The following KIT variants were observed in gnomAD, a reference collection of about 807,000 sequenced individuals.
The protein encoded by KIT is mast/stem cell growth factor receptor Kit.
Under a neutral mutation model 105.7 loss-of-function variants are expected in KIT, and 16 were observed. That is an observed-to-expected ratio of 0.15 (90% CI 0.10 to 0.23). The LOEUF (loss-of-function observed/expected upper bound fraction) is 0.23, where lower values mean the gene tolerates loss of function less well. Ranked by LOEUF, KIT falls within the 10% of genes least tolerant of loss-of-function variation. The pLI is 1.00. For synonymous variants in KIT, 438 were observed against 441.1 expected, an observed-to-expected ratio of 0.99 and a Z score of 0.09; for missense variants, 858 against 1,213.8, an observed-to-expected ratio of 0.71 and a Z score of 4.36.
In KIT at chr4:54,723,627, G is replaced by A. The variant is rs1560414419; in HGVS notation, c.1275G>A (p.Met425Ile). The A allele has an allele frequency of 6.2e-7, 1 of 1,614,084 alleles. No homozygotes were observed. Among genetic ancestry groups the A allele is most frequent in the Non-Finnish European group, 8.5e-7 (1 of 1,179,980 alleles). The change falls in exon 8 of 21, where the codon ATG (methionine) becomes ATA (isoleucine). Residue 425 changes from methionine to isoleucine, a missense_variant. Transcript: ENST00000288135. ...ILTYDRLVNG[M>I]LQCVAAGFPE... ...CTTACGACAGGCTCGTGAATGGCAT[G>A]CTCCAATGTGTGGCAGCAGGATTCC... is the stretch of plus-strand genomic sequence containing the variant.
chr4:54,690,091 T>C (rs80158414), intron 1 of KIT, among the ~76,000 whole-genome samples: 2 of 151,256 alleles, frequency 1.3e-5, no homozygotes, highest in Non-Finnish European at 2.9e-5. Context: ...TTCCATTGTA[T>C]GTATATACCA....
intron 7 of KIT, among the ~76,000 whole-genome samples, chr4:54,714,953 C>T (rs773166461): frequency 6.6e-6 from 1 of 152,116 alleles, no homozygotes; most frequent in Non-Finnish European, 1.5e-5. Context: ...TGCTGAAGTG[C>T]ACCAAATTAA....
In KIT at chr4:54,697,182, C is replaced by T. The variant is rs146598576; in HGVS notation, c.338-1102C>T. Among the ~76,000 whole-genome samples the T allele has an allele frequency of 1.2e-4, 19 of 152,282 alleles. No homozygotes were observed. In the East Asian group the frequency reaches 3.7e-3, roughly 29 times the overall value. On this transcript the variant is annotated intron_variant, in intron 2 of 20. Transcript: ENST00000288135. ...AGATAAAACAGTAACTAGCTATGGCCTGGGACCATCCATAGTTCAACCATC... is the reference window on the plus strand; with the variant it reads ...AGATAAAACAGTAACTAGCTATGGCTTGGGACCATCCATAGTTCAACCATC...
chr4:54,675,673 G>A (rs1050508457), intron 1 of KIT, among the ~76,000 whole-genome samples: 8 of 152,182 alleles, frequency 5.3e-5, no homozygotes, highest in African/African-American at 1.9e-4. Context: ...GAAAATTGGT[G>A]AATGGTATCT....
intron 1 of KIT, among the ~76,000 whole-genome samples, chr4:54,668,724 GCTGT>G (rs1402759729): frequency 6.6e-6 from 1 of 152,198 alleles, no homozygotes; most frequent in African/African-American, 2.4e-5. Flanking sequence ...GGAGACGTTG[GCTGT>G]CTGTTATTCT....
intron 1 of KIT, among the ~76,000 whole-genome samples, chr4:54,694,588 C>T (rs1719928402): frequency 6.6e-6 from 1 of 152,060 alleles, no homozygotes; most frequent in Non-Finnish European, 1.5e-5. Flanking sequence ...CTGCGTTGCC[C>T]AGGCTGGTCT....
intron 14 of KIT, among the ~76,000 whole-genome samples, chr4:54,730,069 C>G (rs1722492450): frequency 6.6e-6 from 1 of 152,158 alleles, no homozygotes; most frequent in South Asian, 2.1e-4. Flanking sequence ...ATTCTCATCT[C>G]TTTCATCATT....
chr4:54,694,981 T>G (rs1407048859), intron 1 of KIT, among the ~76,000 whole-genome samples: 2 of 152,180 alleles, frequency 1.3e-5, no homozygotes, highest in Non-Finnish European at 2.9e-5. Context: ...GTTTAGAGAT[T>G]TGTGAATAGT....
At chr4:54,724,709 C>G (rs1004994383) in intron 8 of KIT, among the ~76,000 whole-genome samples, 2 of 151,660 alleles carry the variant, frequency 1.3e-5, no homozygotes, top group African/African-American at 4.8e-5. Flanking sequence ...AGACGACTGT[C>G]TTAGGCCACA....
intron 1 of KIT, among the ~76,000 whole-genome samples, chr4:54,659,054 G>T (rs888243284): frequency 1.3e-5 from 2 of 152,088 alleles, no homozygotes; most frequent in Non-Finnish European, 2.9e-5. Flanking sequence ...AGTTCCCGGT[G>T]TCTGCGACCT....
At chr4:54,701,950 T>C (rs1045161150) in intron 4 of KIT, among the ~76,000 whole-genome samples, 2 of 152,198 alleles carry the variant, frequency 1.3e-5, no homozygotes, top group African/African-American at 4.8e-5. Flanking sequence ...CTACATAGTG[T>C]TACAAACTAG....
rs1372511009 is a variant in KIT at position 54,698,378 on chromosome 4, C to T, written c.432C>T (p.Thr144=). Reference sequence around the variant, plus strand: ...GTCCTCTCACAGACCCAGAAGTGACCAATTATTCCCTCAAGGGGTGCCAGG... The same window carrying T: ...GTCCTCTCACAGACCCAGAAGTGACTAATTATTCCCTCAAGGGGTGCCAGG... The part of the protein sequence containing the change: ...VRCPLTDPEV[T]NYSLKGCQGK... Residue 144 remains threonine, a synonymous_variant, in exon 3 of 21, where the codon ACC becomes ACT. Transcript: ENST00000288135. The T allele has an allele frequency of 8.1e-6, 13 of 1,614,096 alleles. No homozygotes were observed. The highest frequency in any genetic ancestry group is 1.1e-5 in the Non-Finnish European group (13 of 1,179,994).
intron 7 of KIT, among the ~76,000 whole-genome samples, chr4:54,709,914 G>A (rs541574305): frequency 2.6e-5 from 4 of 152,314 alleles, no homozygotes; most frequent in East Asian, 1.9e-4. Flanking sequence ...AGATGCTATC[G>A]AGCCCTGACG....
chr4:54,695,624 T>C lies in KIT; in HGVS notation c.180T>C (p.Asp60=). ...VGDEIRLLCT[D]PGFVKWTFEI... is the part of the protein sequence containing the mutation. ...ACGAGATTAGGCTGTTATGCACTGA[T>C]CCGGGCTTTGTCAAATGGACTTTTG... Residue 60 remains aspartate, a synonymous_variant, in exon 2 of 21, where the codon GAT becomes GAC. Transcript: ENST00000288135. 1.9e-6 allele frequency: 3 copies of C among 1,614,214 alleles called. No individual in the cohort carries two copies. The highest frequency in any genetic ancestry group is 2.5e-6 in the Non-Finnish European group (3 of 1,180,040).
chr4:54,711,246 G>C (rs1423744540), intron 7 of KIT, among the ~76,000 whole-genome samples: 1 of 152,208 alleles, frequency 6.6e-6, no homozygotes, highest in Non-Finnish European at 1.5e-5. Flanking sequence ...GGTAGGGTGG[G>C]TGGTGTAAGC....
At position 54,718,366 on chromosome 4, in the gene KIT, C is replaced by T. The variant is rs901703163; in HGVS notation, c.1232-5218C>T. The stretch of plus-strand genomic sequence containing the variant: ...AAGTGCTGGGATTACAAGCGTGAGC[C>T]ACTGCACCCGGCCTATAACCTGTTT... On this transcript the variant is annotated intron_variant, in intron 7 of 20. Transcript: ENST00000288135. 2.0e-5 allele frequency among the ~76,000 whole-genome samples: 3 copies of T among 152,180 alleles called. No homozygotes were observed. In the South Asian group the frequency reaches 6.2e-4, roughly 32 times the overall value.
chr4:54,739,074 C>A lies in KIT; in HGVS notation c.*517C>A. On this transcript the variant is annotated 3_prime_UTR_variant, in exon 21 of 21. Transcript: ENST00000288135. Reference sequence around the variant, plus strand: ...CTAGTATTTCATGCTGGGAATGAGACATAGGCCATGAAAAAAATGATCCCC... The same window carrying A: ...CTAGTATTTCATGCTGGGAATGAGAAATAGGCCATGAAAAAAATGATCCCC... 1 of 409,668 alleles carries A rather than the reference C, an allele frequency of 2.4e-6. No individual in the cohort carries two copies. The highest frequency in any genetic ancestry group is 2.0e-5 in the African/African-American group (1 of 48,916). The allele number at this position is 409,668 out of a possible 1,614,324, so 25.4% of individuals were successfully genotyped here.
At chr4:54,674,307 G>A (rs1328176696) in intron 1 of KIT, among the ~76,000 whole-genome samples, 6 of 152,128 alleles carry the variant, frequency 3.9e-5, no homozygotes, top group Non-Finnish European at 7.4e-5. Context: ...CTGGCACATT[G>A]GACATACAGG....
intron 1 of KIT, among the ~76,000 whole-genome samples, chr4:54,692,514 C>A (rs186237486): frequency 1.4e-4 from 22 of 152,276 alleles, no homozygotes; most frequent in Admixed American, 6.5e-4. Context: ...TCCATCAGAT[C>A]AACCCATGAG....
Sources: allele counts gnomAD v4.1 joint callset (sites outside exome capture counted in the v4.1 genomes callset), GRCh38; gene constraint gnomAD v4.1.1; transcripts MANE v1.5; gene names NCBI Gene and HGNC (gene_info 2026-07-23, HGNC 2026-07-21).